The following FHIT variants were observed in gnomAD, a reference collection of about 807,000 sequenced individuals.
FHIT encodes fragile histidine triad diadenosine triphosphatase.
In FHIT, 19 loss-of-function variants were observed where a neutral mutation model predicts 17.9. The ratio of observed to expected loss-of-function variants is 1.06; its 90% CI spans 0.74 to 1.56. FHIT has a LOEUF of 1.56. Ranked by LOEUF, FHIT falls within the 40% of genes most tolerant of loss-of-function variation. The pLI is 0.00. For missense variants in FHIT, 248 were observed against 189.2 expected (o/e 1.31, Z -1.82); for synonymous variants, 81 against 69.7 (o/e 1.16, Z -0.81).
At chr3:60,359,299 TGAGA>T (rs1699803885) in intron 5 of FHIT, among the ~76,000 whole-genome samples, 1 of 143,064 alleles carries the variant, frequency 7.0e-6, no homozygotes. Context: ...TTTTTTTTTT[TGAGA>T]TGGAGCCTCG....
chr3:59,881,916 G>T (rs1703426047), intron 8 of FHIT, among the ~76,000 whole-genome samples: 1 of 152,088 alleles, frequency 6.6e-6, no homozygotes, highest in African/African-American at 2.4e-5. Flanking sequence ...ATTAGATGAG[G>T]CAAGCTTTCT....
At chr3:61,099,703 G>C (rs767524147) in intron 2 of FHIT, among the ~76,000 whole-genome samples, 1 of 152,062 alleles carries the variant, frequency 6.6e-6, no homozygotes, top group Non-Finnish European at 1.5e-5. Context: ...TATCTGCATA[G>C]AGGTGTTTAT....
intron 5 of FHIT, among the ~76,000 whole-genome samples, chr3:60,508,513 A>T (rs2034824970): frequency 6.6e-6 from 1 of 152,222 alleles, no homozygotes; most frequent in Non-Finnish European, 1.5e-5. Flanking sequence ...AATCTTAGGA[A>T]AACTCTTTGG....
chr3:60,978,113 T>C (rs1710341127), intron 3 of FHIT, among the ~76,000 whole-genome samples: 1 of 152,192 alleles, frequency 6.6e-6, no homozygotes, highest in African/African-American at 2.4e-5. Flanking sequence ...TTTATGATTG[T>C]CTTGTCAGTT....
intron 5 of FHIT, among the ~76,000 whole-genome samples, chr3:60,482,446 G>C (rs1043862565): frequency 1.3e-5 from 2 of 152,048 alleles, no homozygotes; most frequent in African/African-American, 4.8e-5. Context: ...ACACTCCTCA[G>C]CAAATGCAAA....
At chr3:60,076,578 T>A (rs1319883190) in intron 5 of FHIT, among the ~76,000 whole-genome samples, 3 of 151,864 alleles carry the variant, frequency 2.0e-5, no homozygotes, top group Non-Finnish European at 2.9e-5. Flanking sequence ...ACAAATGAGA[T>A]CAGAGGCATA....
chr3:61,160,309 C>T (rs2037651706), intron 2 of FHIT, among the ~76,000 whole-genome samples: 1 of 152,128 alleles, frequency 6.6e-6, no homozygotes, highest in Admixed American at 6.5e-5. Context: ...AAAAACGTGC[C>T]ATGATCTACC....
chr3:59,752,072 A>G, intron 9 of FHIT, 149 bp downstream of exon 9: 1 of 554,926 alleles, frequency 1.8e-6, no homozygotes, highest in Non-Finnish European at 3.2e-6. Flanking sequence ...CTCAAGGGCC[A>G]GGGTTTTCTC....
chr3:60,520,982 G>T (rs182674488), intron 5 of FHIT, among the ~76,000 whole-genome samples: 61 of 152,142 alleles, frequency 4.0e-4, no homozygotes, highest in African/African-American at 1.3e-3. Context: ...AAGGAAAAAG[G>T]CTCATATCAA....
chr3:60,416,462 C>T (rs1272369025), intron 5 of FHIT, among the ~76,000 whole-genome samples: 5 of 152,182 alleles, frequency 3.3e-5, no homozygotes, highest in African/African-American at 1.2e-4. Context: ...TTTTTACAGT[C>T]TGTCATGATA....
intron 8 of FHIT, among the ~76,000 whole-genome samples, chr3:59,913,316 A>G (rs779460665): frequency 6.6e-6 from 1 of 152,180 alleles, no homozygotes. Context: ...CTCCCTATAC[A>G]TGGGTTTTCC....
intron 1 of FHIT, among the ~76,000 whole-genome samples, chr3:61,210,503 T>C (rs1480211854): frequency 2.0e-5 from 3 of 152,206 alleles, no homozygotes; most frequent in Non-Finnish European, 2.9e-5. Context: ...GCCTTGGCAA[T>C]GGCAGGCGCC....
chr3:61,015,601 C>A (rs981023023), intron 3 of FHIT, among the ~76,000 whole-genome samples: 1 of 152,238 alleles, frequency 6.6e-6, no homozygotes, highest in South Asian at 2.1e-4. Flanking sequence ...CACTCTGGAA[C>A]TTGGTTCAGA....
chr3:61,187,857 G>C (rs1406538006), intron 2 of FHIT, among the ~76,000 whole-genome samples: 2 of 152,186 alleles, frequency 1.3e-5, no homozygotes, highest in African/African-American at 4.8e-5. Flanking sequence ...AATGAAGGTA[G>C]AAATAAAGAT....
intron 4 of FHIT, among the ~76,000 whole-genome samples, chr3:60,756,535 C>T (rs146809553): frequency 5.9e-4 from 90 of 152,192 alleles, no homozygotes; most frequent in African/African-American, 2.0e-3. Flanking sequence ...GCAAGATTCT[C>T]AGAATATGGA....
At chr3:60,213,202 T>C (rs1399300749) in intron 5 of FHIT, among the ~76,000 whole-genome samples, 3 of 152,174 alleles carry the variant, frequency 2.0e-5, no homozygotes, top group Non-Finnish European at 4.4e-5. Flanking sequence ...GAGACAAATC[T>C]GGATCAAGGC....
At chr3:61,169,649 T>C (rs536799816) in intron 2 of FHIT, among the ~76,000 whole-genome samples, 30 of 152,302 alleles carry the variant, frequency 2.0e-4, no homozygotes, top group Admixed American at 7.9e-4. Flanking sequence ...TGTTCCCTTT[T>C]ATTGCTTTTA....
intron 4 of FHIT, among the ~76,000 whole-genome samples, chr3:60,686,739 A>G (rs1297744376): frequency 6.6e-6 from 1 of 152,084 alleles, no homozygotes; most frequent in Non-Finnish European, 1.5e-5. Context: ...CTTACTTTCC[A>G]GTAGCTGGGG....
chr3:60,637,595 G>A (rs2039620437), intron 4 of FHIT, among the ~76,000 whole-genome samples: 2 of 152,206 alleles, frequency 1.3e-5, no homozygotes, highest in South Asian at 2.1e-4. Context: ...CCTATTGGCT[G>A]TCTATTGTAA....
Sources: allele counts gnomAD v4.1 joint callset (sites outside exome capture counted in the v4.1 genomes callset), GRCh38; gene constraint gnomAD v4.1.1; transcripts MANE v1.5; gene names NCBI Gene and HGNC (gene_info 2026-07-23, HGNC 2026-07-21).